CA10: variants seen among roughly 807,000 people sequenced by gnomAD.
CA10 encodes carbonic anhydrase 10 (inactive).
CA10 carries 14 observed loss-of-function variants against 44.2 expected under a neutral mutation model. The observed-to-expected ratio is 0.32, with a 90% confidence interval of 0.21 to 0.50. The LOEUF (loss-of-function observed/expected upper bound fraction) is 0.50, where lower values mean the gene tolerates loss of function less well. Ranked by LOEUF, CA10 falls within the 20% of genes least tolerant of loss-of-function variation. CA10 has a pLI of 0.99. For missense variants in CA10, 350 were observed against 409.7 expected, an observed-to-expected ratio of 0.85 and a Z score of 1.26; for synonymous variants, 159 against 141.6, an observed-to-expected ratio of 1.12 and a Z score of -0.87.
intron 4 of CA10, among the ~76,000 whole-genome samples, chr17:51,686,440 T>A (rs1915012807): frequency 6.6e-6 from 1 of 152,124 alleles, no homozygotes; most frequent in Non-Finnish European, 1.5e-5. Flanking sequence ...TTAAGAATCA[T>A]CTATACCCTG....
At chr17:51,634,607 C>A (rs1289385707) in intron 7 of CA10, among the ~76,000 whole-genome samples, 3 of 152,112 alleles carry the variant, frequency 2.0e-5, no homozygotes, top group South Asian at 2.1e-4. Flanking sequence ...CACAATAAGC[C>A]GTGTAGCCAA....
At chr17:51,814,051 G>A (rs555069118) in intron 3 of CA10, among the ~76,000 whole-genome samples, 2 of 152,084 alleles carry the variant, frequency 1.3e-5, no homozygotes, top group African/African-American at 2.4e-5. Flanking sequence ...AGAGTGCTTT[G>A]GTATTTGTCA....
intron 1 of CA10, among the ~76,000 whole-genome samples, chr17:52,143,345 C>T (rs925576764): frequency 1.1e-4 from 16 of 151,902 alleles, no homozygotes; most frequent in Admixed American, 2.0e-4. Flanking sequence ...GTAAAAAATG[C>T]TTATATAAGT....
intron 3 of CA10, among the ~76,000 whole-genome samples, chr17:51,884,953 T>A (rs145417995): frequency 1.3e-5 from 2 of 152,310 alleles, no homozygotes; most frequent in East Asian, 3.9e-4. Context: ...CCTTTCTCTA[T>A]GAGGATATCA....
chr17:51,759,917 A>G (rs970025599), intron 3 of CA10, among the ~76,000 whole-genome samples: 1 of 152,230 alleles, frequency 6.6e-6, no homozygotes, highest in Non-Finnish European at 1.5e-5. Context: ...ACATTGATTC[A>G]TCTTCAGGCC....
intron 1 of CA10, among the ~76,000 whole-genome samples, chr17:52,138,142 T>C (rs1466900122): frequency 6.6e-6 from 1 of 152,156 alleles, no homozygotes; most frequent in East Asian, 1.9e-4. Flanking sequence ...TTCCTTGTCT[T>C]TTCCAGCTAC....
At chr17:52,092,165 T>C (rs1165230147) in intron 1 of CA10, among the ~76,000 whole-genome samples, 1 of 152,176 alleles carries the variant, frequency 6.6e-6, no homozygotes, top group Non-Finnish European at 1.5e-5. Flanking sequence ...AGTGTCTGTT[T>C]GTATTTTTCT....
intron 3 of CA10, among the ~76,000 whole-genome samples, chr17:51,831,696 G>T (rs760504298): frequency 0.14 from 11,875 of 87,106 alleles, 706 homozygotes; most frequent in African/African-American, 0.2. Flanking sequence ...AGCAGCAGCA[G>T]CAGCAGCAGC....
At chr17:51,981,108 C>A (rs1244639626) in intron 2 of CA10, among the ~76,000 whole-genome samples, 2 of 152,014 alleles carry the variant, frequency 1.3e-5, no homozygotes, top group African/African-American at 4.8e-5. Flanking sequence ...TTTGGAAGTT[C>A]TGATAGTTTC....
chr17:51,972,502 G>A (rs1174612667), intron 2 of CA10, among the ~76,000 whole-genome samples: 1 of 152,018 alleles, frequency 6.6e-6, no homozygotes, highest in African/African-American at 2.4e-5. Context: ...ATAGAGGTGG[G>A]TAAAACCATT....
At position 51,741,788 on chromosome 17, in the gene CA10, A is replaced by G. The variant is rs1277545577; in HGVS notation, c.465+5845T>C. On this transcript the variant is annotated intron_variant, in intron 4 of 8. Transcript: ENST00000451037. ...TATTGACTATCCTCAAGTCCAGACA[A>G]TGTATGAGGTGTTGGGAACACAGCA... 7.9e-5 allele frequency among the ~76,000 whole-genome samples: 12 copies of G among 152,216 alleles called. No individual in the cohort carries two copies. The East Asian group carries it at 2.3e-3, about 29-fold the overall frequency.
chr17:51,868,353 T>C (rs1979645295), intron 3 of CA10, among the ~76,000 whole-genome samples: 1 of 152,156 alleles, frequency 6.6e-6, no homozygotes, highest in Non-Finnish European at 1.5e-5. Flanking sequence ...CATGTTTGTA[T>C]TACTGCTTCT....
chr17:51,727,832 C>A (rs1916580202), intron 4 of CA10, among the ~76,000 whole-genome samples: 1 of 151,902 alleles, frequency 6.6e-6, no homozygotes, highest in Non-Finnish European at 1.5e-5. Flanking sequence ...CCTGTTATTG[C>A]AGAACTTTCT....
At chr17:51,712,873 C>A (rs556520348) in intron 4 of CA10, among the ~76,000 whole-genome samples, 1 of 152,212 alleles carries the variant, frequency 6.6e-6, no homozygotes, top group Non-Finnish European at 1.5e-5. Context: ...ACATTGCCTA[C>A]GACCTTCCTT....
At chr17:51,757,810 GGCTAGATAAGA>G (rs1321804802) in intron 3 of CA10, among the ~76,000 whole-genome samples, 1 of 152,122 alleles carries the variant, frequency 6.6e-6, no homozygotes, top group Non-Finnish European at 1.5e-5. Context: ...AAAGATTAGA[GGCTAGATAAGA>G]GCATGGTGGC....
intron 6 of CA10, among the ~76,000 whole-genome samples, chr17:51,648,169 A>G (rs1427274708): frequency 3.3e-5 from 5 of 152,158 alleles, no homozygotes; most frequent in Non-Finnish European, 5.9e-5. Flanking sequence ...AGAGCTGTAC[A>G]CATTCATTTT....
rs529849550 is a variant in CA10, at chr17:51,894,557, T to C, written c.279+36433A>G. 2.6e-5 allele frequency among the ~76,000 whole-genome samples: 4 copies of C among 152,272 alleles called. No homozygotes were observed. In the East Asian group the frequency reaches 7.7e-4, roughly 29 times the overall value. ...ATTGTTGGAGATACAATTTTTTTCA[T>C]GTAAGGAGAATTACATTTCAGGAAC... On this transcript the variant is annotated intron_variant, in intron 3 of 8. Coordinates refer to ENST00000451037, the MANE Select transcript of CA10 (RefSeq NM_020178.5).
At chr17:51,902,244 T>A (rs1455047870) in intron 3 of CA10, among the ~76,000 whole-genome samples, 1 of 152,162 alleles carries the variant, frequency 6.6e-6, no homozygotes, top group Non-Finnish European at 1.5e-5. Flanking sequence ...GGTAAAAATG[T>A]ATTTCCTACC....
chr17:52,106,360 G>A (rs747444558), intron 1 of CA10, among the ~76,000 whole-genome samples: 2 of 152,148 alleles, frequency 1.3e-5, no homozygotes, highest in Non-Finnish European at 2.9e-5. Flanking sequence ...ATCCTCCACC[G>A]CTGATTTGTT....
Sources: gnomAD v4.1 joint callset for allele counts (sites outside exome capture counted in the v4.1 genomes callset) on GRCh38, gnomAD v4.1.1 for gene constraint, MANE v1.5 for transcripts, NCBI Gene and HGNC (gene_info 2026-07-23, HGNC 2026-07-21) for gene names.